The following RIMS1 variants were observed in gnomAD, a reference collection of about 807,000 sequenced individuals.
The protein encoded by RIMS1 is regulating synaptic membrane exocytosis protein 1.
Under a neutral mutation model 214.1 loss-of-function variants are expected in RIMS1, and 83 were observed. That is an observed-to-expected ratio of 0.39 (90% CI 0.32 to 0.47). RIMS1 has a LOEUF of 0.47. Ranked by LOEUF, RIMS1 falls within the 20% of genes least tolerant of loss-of-function variation. RIMS1 has a pLI of 0.99. For synonymous variants in RIMS1, 793 were observed against 786.8 expected (o/e 1.01, Z -0.13); for missense variants, 2,050 against 2,161.8 (o/e 0.95, Z 1.03).
At chr6:72,337,353 C>T (rs1183817507) in intron 29 of RIMS1, among the ~76,000 whole-genome samples, 1 of 151,714 alleles carries the variant, frequency 6.6e-6, no homozygotes, top group East Asian at 2.0e-4. Flanking sequence ...GAAGGTTCTA[C>T]AAATCTGTGC....
At chr6:72,364,576 A>G (rs1160232455) in intron 29 of RIMS1, among the ~76,000 whole-genome samples, 1 of 152,146 alleles carries the variant, frequency 6.6e-6, no homozygotes, top group Non-Finnish European at 1.5e-5. Context: ...CAGCCTTACA[A>G]AGTAGAGTAA....
intron 2 of RIMS1, among the ~76,000 whole-genome samples, chr6:72,004,168 T>C (rs1218762208): frequency 6.6e-6 from 1 of 151,832 alleles, no homozygotes; most frequent in East Asian, 1.9e-4. Flanking sequence ...TGATTTCCCA[T>C]TTCATCCATG....
chr6:72,151,311 C>T (rs564828705), intron 4 of RIMS1, among the ~76,000 whole-genome samples: 3 of 152,192 alleles, frequency 2.0e-5, no homozygotes, highest in South Asian at 2.1e-4. Flanking sequence ...CAAAGTGCTG[C>T]GATTACAGGC....
chr6:72,172,613 C>G (rs2047178584), intron 4 of RIMS1, among the ~76,000 whole-genome samples: 1 of 152,122 alleles, frequency 6.6e-6, no homozygotes, highest in Non-Finnish European at 1.5e-5. Context: ...CAGTCATTAA[C>G]CAGAGCCAAG....
At chr6:72,256,612 T>C (rs1338370376) in intron 16 of RIMS1, among the ~76,000 whole-genome samples, 1 of 152,052 alleles carries the variant, frequency 6.6e-6, no homozygotes, top group Non-Finnish European at 1.5e-5. Flanking sequence ...AATTATTGTG[T>C]AATTGATACC....
intron 2 of RIMS1, among the ~76,000 whole-genome samples, chr6:72,006,732 A>C (rs1196109711): frequency 6.6e-6 from 1 of 152,200 alleles, no homozygotes; most frequent in Non-Finnish European, 1.5e-5. Flanking sequence ...CATTGCTAGC[A>C]CAGCAGTCTG....
At chr6:72,163,774 G>T (rs2045825157) in intron 4 of RIMS1, among the ~76,000 whole-genome samples, 1 of 93,932 alleles carries the variant, frequency 1.1e-5, no homozygotes, top group African/African-American at 3.1e-5. Context: ...CCGGCCATGT[G>T]AGGTGTCAAT....
At chr6:71,939,735 C>G (rs1785474294) in intron 1 of RIMS1, among the ~76,000 whole-genome samples, 1 of 152,146 alleles carries the variant, frequency 6.6e-6, no homozygotes, top group Non-Finnish European at 1.5e-5. Flanking sequence ...GAAGGCAGAG[C>G]TTTCATGACC....
intron 26 of RIMS1, among the ~76,000 whole-genome samples, chr6:72,295,076 G>A (rs1224440129): frequency 6.6e-6 from 1 of 151,680 alleles, no homozygotes; most frequent in Non-Finnish European, 1.5e-5. Context: ...TAACTTTTTT[G>A]TGCTCAACTG....
chr6:72,097,264 T>G (rs1279539585), intron 3 of RIMS1, 102 bp downstream of exon 3: 3 of 1,001,794 alleles, frequency 3.0e-6, no homozygotes, highest in Non-Finnish European at 4.6e-6. Context: ...GACATGTGCA[T>G]AAACATACAC....
chr6:71,962,204 T>G (rs1430796383), intron 1 of RIMS1, among the ~76,000 whole-genome samples: 1 of 152,196 alleles, frequency 6.6e-6, no homozygotes, highest in East Asian at 1.9e-4. Context: ...TTTTCTTTTC[T>G]TATCAGTCTT....
intron 26 of RIMS1, among the ~76,000 whole-genome samples, chr6:72,300,761 A>G (rs1195958659): frequency 6.6e-6 from 1 of 151,782 alleles, no homozygotes; most frequent in Non-Finnish European, 1.5e-5. Flanking sequence ...GCCAATGACT[A>G]GTATTTTCAG....
At chr6:72,024,250 A>G (rs2151958719) in intron 2 of RIMS1, among the ~76,000 whole-genome samples, 1 of 151,910 alleles carries the variant, frequency 6.6e-6, no homozygotes. Flanking sequence ...ATGTATGCCC[A>G]TCTTCTTCTG....
chr6:72,248,202 G>A (rs367639931), intron 12 of RIMS1, 75 bp downstream of exon 12: 19 of 846,866 alleles, frequency 2.2e-5, no homozygotes, highest in African/African-American at 3.4e-5. Context: ...AAATATGTTC[G>A]CCTTTCCTTG....
intron 14 of RIMS1, 25 bp from the exon 15 acceptor site, chr6:72,251,189 AT>A: frequency 6.3e-7 from 1 of 1,580,000 alleles, no homozygotes; most frequent in Non-Finnish European, 8.6e-7. Flanking sequence ...AAGGTACTTG[AT>A]TTAATTTGAG....
intron 6 of RIMS1, among the ~76,000 whole-genome samples, chr6:72,200,777 T>TA (rs1305597986): frequency 6.6e-6 from 1 of 152,060 alleles, no homozygotes; most frequent in African/African-American, 2.4e-5. Flanking sequence ...AATTTCTTCT[T>TA]ACTGTGGATA....
intron 6 of RIMS1, among the ~76,000 whole-genome samples, chr6:72,196,391 CTATCTAT>C (rs2050920712): frequency 6.6e-6 from 1 of 151,086 alleles, no homozygotes; most frequent in African/African-American, 2.4e-5. Context: ...ATCTATCTAT[CTATCTAT>C]CTATCTATCT....
intron 4 of RIMS1, among the ~76,000 whole-genome samples, chr6:72,113,828 A>G (rs545563659): frequency 1.0e-3 from 159 of 152,246 alleles, no homozygotes; most frequent in African/African-American, 3.7e-3. Context: ...TTGAAATATC[A>G]AATAAAAATA....
chr6:72,166,229 T>A (rs1212145139), intron 4 of RIMS1, among the ~76,000 whole-genome samples: 1 of 149,466 alleles, frequency 6.7e-6, no homozygotes. Context: ...CATGCACACA[T>A]ACACAGTGAG....
Sources: allele counts gnomAD v4.1 joint callset (sites outside exome capture counted in the v4.1 genomes callset), GRCh38; gene constraint gnomAD v4.1.1; transcripts MANE v1.5; gene names NCBI Gene and HGNC (gene_info 2026-07-23, HGNC 2026-07-21).